The following HDAC9 variants were observed in gnomAD, a reference collection of about 807,000 sequenced individuals.
HDAC9 encodes the protein histone deacetylase 9.
In HDAC9, 41 loss-of-function variants were observed where a neutral mutation model predicts 139.4. The observed-to-expected ratio is 0.29, with a 90% CI of 0.23 to 0.38. HDAC9 has a LOEUF of 0.38. Ranked by LOEUF, HDAC9 falls within the 10% of genes least tolerant of loss-of-function variation. The pLI, the probability that HDAC9 is intolerant of heterozygous loss-of-function variation, is 1.00. For missense variants in HDAC9, 1,147 were observed against 1,297.0 expected (o/e 0.88, Z 1.78); for synonymous variants, 517 against 476.2 (o/e 1.09, Z -1.12).
intron 24 of HDAC9, among the ~76,000 whole-genome samples, chr7:18,971,055 A>G (rs1784211178): frequency 6.6e-6 from 1 of 152,236 alleles, no homozygotes; most frequent in Non-Finnish European, 1.5e-5. Flanking sequence ...TACCTGCAGG[A>G]TGCCCTCTCC....
At chr7:18,172,812 G>C (rs1281340436) in intron 2 of HDAC9, among the ~76,000 whole-genome samples, 2 of 152,334 alleles carry the variant, frequency 1.3e-5, no homozygotes, top group East Asian at 3.9e-4. Context: ...TGTGGTCTGA[G>C]AGACAGTTTG....
chr7:18,107,413 A>C (rs1272224434), intron 1 of HDAC9, among the ~76,000 whole-genome samples: 1 of 152,230 alleles, frequency 6.6e-6, no homozygotes, highest in East Asian at 1.9e-4. Flanking sequence ...AGAGACTACT[A>C]GCATTTGCCC....
intron 6 of HDAC9, among the ~76,000 whole-genome samples, chr7:18,612,048 G>A (rs972442596): frequency 6.6e-6 from 1 of 152,094 alleles, no homozygotes; most frequent in Non-Finnish European, 1.5e-5. Flanking sequence ...CTGAGAAATT[G>A]TAAATGTCAT....
intron 1 of HDAC9, among the ~76,000 whole-genome samples, chr7:18,393,930 T>A (rs1786781900): frequency 6.6e-6 from 1 of 152,318 alleles, no homozygotes; most frequent in Middle Eastern, 3.4e-3. Context: ...TAATGTGAGT[T>A]ATTTTTATTT....
chr7:18,247,968 A>T (rs968086840), intron 2 of HDAC9, among the ~76,000 whole-genome samples: 3 of 152,188 alleles, frequency 2.0e-5, no homozygotes, highest in Non-Finnish European at 4.4e-5. Context: ...AACTAAGAAA[A>T]TGTGGAAAAT....
At chr7:18,187,897 GC>G (rs1790039972) in intron 2 of HDAC9, among the ~76,000 whole-genome samples, 1 of 152,082 alleles carries the variant, frequency 6.6e-6, no homozygotes, top group East Asian at 1.9e-4. Context: ...TGTTTCCCAG[GC>G]TTGTCTGATA....
At chr7:18,868,192 A>G (rs1798637100) in intron 21 of HDAC9, among the ~76,000 whole-genome samples, 3 of 152,144 alleles carry the variant, frequency 2.0e-5, no homozygotes, top group Admixed American at 1.3e-4. Flanking sequence ...GAAAGTAGCT[A>G]GTACCAGCTT....
At chr7:18,098,936 A>T (rs550092157) in intron 1 of HDAC9, among the ~76,000 whole-genome samples, 13 of 152,154 alleles carry the variant, frequency 8.5e-5, no homozygotes, top group East Asian at 5.8e-4. Flanking sequence ...TTCTTTCCCA[A>T]TTTTTCCCCA....
chr7:18,099,510 T>A (rs542622448), intron 1 of HDAC9, among the ~76,000 whole-genome samples: 1 of 152,162 alleles, frequency 6.6e-6, no homozygotes, highest in African/African-American at 2.4e-5. Context: ...CAAAGGCCTT[T>A]GCTTAAACTT....
In HDAC9 at chr7:18,330,139, A is replaced by G. The variant is rs138585497; in HGVS notation, c.-42+39624A>G. ...ACTTATCAATCTTTTCTGCTTGCCA[A>G]ATGAAGATTTAGATTGTGAAGATTC... On this transcript the variant is annotated intron_variant, in intron 1 of 3. Coordinates refer to the HDAC9 transcript ENST00000413509. Among the ~76,000 whole-genome samples the G allele has an allele frequency of 3.3e-3, 501 of 151,686 alleles. 8 individuals carry two copies. The highest frequency in any genetic ancestry group is 0.027 in the Admixed American group (416 of 15,158).
chr7:18,818,990 A>G (rs1440391944), intron 17 of HDAC9, among the ~76,000 whole-genome samples: 1 of 152,162 alleles, frequency 6.6e-6, no homozygotes, highest in Non-Finnish European at 1.5e-5. Flanking sequence ...TTAAAAAAAA[A>G]AATGTCTAGC....
chr7:18,530,873 A>G (rs1054510156), intron 2 of HDAC9, among the ~76,000 whole-genome samples: 1 of 151,306 alleles, frequency 6.6e-6, no homozygotes, highest in Non-Finnish European at 1.5e-5. Flanking sequence ...ATAGATACAT[A>G]GTTAAAAAAA....
At chr7:18,102,432 T>C (rs1304853198) in intron 1 of HDAC9, among the ~76,000 whole-genome samples, 2 of 152,224 alleles carry the variant, frequency 1.3e-5, no homozygotes, top group Non-Finnish European at 2.9e-5. Context: ...TTCAGCACTG[T>C]CATAAATATC....
At chr7:18,572,510 T>G (rs1240257152) in intron 2 of HDAC9, among the ~76,000 whole-genome samples, 1 of 152,062 alleles carries the variant, frequency 6.6e-6, no homozygotes, top group African/African-American at 2.4e-5. Context: ...AGGGGACGGT[T>G]TGCACCATCT....
intron 1 of HDAC9, among the ~76,000 whole-genome samples, chr7:18,403,434 A>G (rs1787725121): frequency 6.6e-6 from 1 of 152,154 alleles, no homozygotes; most frequent in South Asian, 2.1e-4. Flanking sequence ...TCTATCATAA[A>G]ATCGAAACAC....
intron 2 of HDAC9, among the ~76,000 whole-genome samples, chr7:18,197,558 G>A (rs1358957761): frequency 2.0e-5 from 3 of 152,146 alleles, no homozygotes; most frequent in Non-Finnish European, 4.4e-5. Flanking sequence ...ACAGAACAGA[G>A]TTCACAGGTG....
intron 2 of HDAC9, among the ~76,000 whole-genome samples, chr7:18,502,858 T>G (rs950218452): frequency 6.6e-6 from 1 of 152,130 alleles, no homozygotes; most frequent in Admixed American, 6.6e-5. Context: ...TAAACGTGAA[T>G]AGAGTATTCC....
intron 2 of HDAC9, among the ~76,000 whole-genome samples, chr7:18,240,764 C>G (rs1794138030): frequency 6.6e-6 from 1 of 152,196 alleles, no homozygotes; most frequent in Non-Finnish European, 1.5e-5. Flanking sequence ...CTGGCCTCAT[C>G]TGTAAAAACC....
At chr7:18,632,313 A>G (rs1782602839) in intron 7 of HDAC9, among the ~76,000 whole-genome samples, 1 of 152,106 alleles carries the variant, frequency 6.6e-6, no homozygotes, top group Non-Finnish European at 1.5e-5. Flanking sequence ...CCCACAGTAA[A>G]TAAGTGGCAG....
Sources: allele counts gnomAD v4.1 joint callset (sites outside exome capture counted in the v4.1 genomes callset), GRCh38; gene constraint gnomAD v4.1.1; transcripts MANE v1.5; gene names NCBI Gene and HGNC (gene_info 2026-07-23, HGNC 2026-07-21).